Variants in LTV1 observed in about 807,000 individuals in gnomAD.
LTV1 encodes the protein LTV1 ribosome biogenesis factor.
In LTV1, 39 loss-of-function variants were observed where a neutral mutation model predicts 59.9. That is an observed-to-expected ratio of 0.65 (90% confidence interval 0.50 to 0.85). The LOEUF (loss-of-function observed/expected upper bound fraction) is 0.85. LTV1 is among the 40% of genes least tolerant of loss of function. The pLI is 0.00. For missense variants in LTV1, 493 were observed against 549.1 expected (o/e 0.90, Z 1.02); for synonymous variants, 171 against 189.5 (o/e 0.90, Z 0.80).
Position 143,862,770 on chromosome 6 carries a change from T to C in LTV1, c.1064-74T>C, listed in dbSNP as rs1001730758. ...CTATGAAAACACAAGGTCAGAAATA[T>C]AGTAGGAATTCAGTAATGCTTTGTG... On this transcript the variant is annotated intron_variant, in intron 8 of 10. Coordinates refer to ENST00000367576, the MANE Select transcript of LTV1 (RefSeq NM_032860.5). This position sits in a 1 kb window ranked among gnomAD's most constrained non-coding sequence, Gnocchi z 4.2. 1.1e-4 allele frequency: 105 copies of C among 916,228 alleles called. No individual in the cohort carries two copies. Among genetic ancestry groups the C allele is most frequent in the South Asian group, 1.1e-3 (86 of 75,208 alleles). 56.8% of individuals were successfully genotyped at this position (916,228 alleles called of 1,614,324 possible).
At chr6:143,851,906 T>C (rs1776988675) in intron 4 of LTV1, among the ~76,000 whole-genome samples, 1 of 152,228 alleles carries the variant, frequency 6.6e-6, no homozygotes, top group East Asian at 1.9e-4. Flanking sequence ...CATGAACGTG[T>C]CCTTTTTTAT....
At chr6:143,848,115 G>T (rs536280160) in intron 3 of LTV1, among the ~76,000 whole-genome samples, 1 of 152,106 alleles carries the variant, frequency 6.6e-6, no homozygotes, top group Non-Finnish European at 1.5e-5. Flanking sequence ...ACTCTTAATC[G>T]TGTATGTGAT....
At position 143,857,320 on chromosome 6, in the gene LTV1, G is replaced by C. The variant is rs1231984226; in HGVS notation, c.415G>C (p.Asp139His). The stretch of plus-strand genomic sequence containing the variant: ...CCTTCTAGGACCTCGACTGGATTTT[G>C]ATCCTGACATTGTTGCAGCTCTTGA... ...APVSGPRLDF[D>H]PDIVAALDDD... Residue 139 changes from aspartate (D) to histidine (H), a missense_variant, in exon 5 of 11, where the codon GAT becomes CAT. Asp to His is a moderately conservative substitution (Grantham distance 81, BLOSUM62 -1). Coordinates refer to ENST00000367576, the MANE Select transcript of LTV1 (RefSeq NM_032860.5). This position sits in a 1 kb window ranked among gnomAD's most constrained non-coding sequence, Gnocchi z 5.2. 1.2e-6 allele frequency: 2 copies of C among 1,613,754 alleles called. No homozygotes were observed.
chr6:143,856,803 G>T, intron 4 of LTV1, among the ~76,000 whole-genome samples: 1 of 152,214 alleles, frequency 6.6e-6, no homozygotes, highest in East Asian at 1.9e-4. Flanking sequence ...CCTTCCTCTG[G>T]AAGCTTTGTC....
At position 143,863,033 on chromosome 6, in the gene LTV1, A is replaced by G. The variant is rs1777196866; in HGVS notation, c.1117-53A>G. 3 of 1,521,490 alleles carry G rather than the reference A, an allele frequency of 2.0e-6. No individual in the cohort carries two copies. Among genetic ancestry groups the G allele is most frequent in the East Asian group, 2.3e-5 (1 of 44,356 alleles). The allele number at this position is 1,521,490 out of a possible 1,614,324, so 94.2% of individuals were successfully genotyped here. ...ATCAACAGTATGTCATTAATGAGCTATTTTTTAATAGGAATGAGAAGTAAC... is the reference window on the plus strand; with the variant it reads ...ATCAACAGTATGTCATTAATGAGCTGTTTTTTAATAGGAATGAGAAGTAAC... On this transcript the variant is annotated intron_variant, in intron 9 of 10. Coordinates refer to ENST00000367576, the MANE Select transcript of LTV1 (RefSeq NM_032860.5). The surrounding 1 kb of genome is among the most constrained non-coding windows in gnomAD (Gnocchi z 4.5).
intron 3 of LTV1, among the ~76,000 whole-genome samples, chr6:143,848,527 A>T (rs1373332955): frequency 6.6e-6 from 1 of 152,164 alleles, no homozygotes; most frequent in Non-Finnish European, 1.5e-5. Flanking sequence ...TTTCTCAGTG[A>T]GCCAATGAGG....
chr6:143,852,565 T>G (rs1043482035), intron 4 of LTV1, among the ~76,000 whole-genome samples: 1 of 152,208 alleles, frequency 6.6e-6, no homozygotes, highest in African/African-American at 2.4e-5. Flanking sequence ...AGAAGCTCTT[T>G]AATTTAATTA....
At chr6:143,847,523 G>A (rs1207721642) in intron 3 of LTV1, among the ~76,000 whole-genome samples, 5 of 152,138 alleles carry the variant, frequency 3.3e-5, no homozygotes, top group East Asian at 1.9e-4. Context: ...CACTGTGCCC[G>A]GCTAATTTTG....
intron 6 of LTV1, 140 bp from the exon 7 acceptor site, chr6:143,860,286 A>G: frequency 1.6e-6 from 1 of 640,206 alleles, no homozygotes; most frequent in Non-Finnish European, 2.6e-6. Flanking sequence ...TTAAATCCCT[A>G]CTGATATTTT....
rs2128490875 is a variant in LTV1 at position 143,846,226 on chromosome 6, T to C, written c.309+2T>C. ...AAAGAAGAAACGCTAGTAATTCCAG[T>C]AAGGCTTTTCAGCAATTTAATTGTG... is the stretch of plus-strand genomic sequence containing the variant. On this transcript the variant is annotated splice_donor_variant, in intron 3 of 10. Coordinates refer to ENST00000367576, the MANE Select transcript of LTV1 (RefSeq NM_032860.5). LOFTEE classifies it high-confidence loss of function. The C allele has an allele frequency of 6.2e-7, 1 of 1,607,332 alleles. No individual in the cohort carries two copies. Among genetic ancestry groups the C allele is most frequent in the South Asian group, 1.1e-5 (1 of 89,574 alleles).
intron 4 of LTV1, among the ~76,000 whole-genome samples, chr6:143,850,425 G>T (rs1422697900): frequency 6.6e-6 from 1 of 152,150 alleles, no homozygotes; most frequent in Admixed American, 6.5e-5. Flanking sequence ...TTGAGTTCCT[G>T]TTTGGAGAGG....
In LTV1 at chr6:143,843,367, A is replaced by C. The variant is rs1162009366; in HGVS notation, c.-111A>C. On this transcript the variant is annotated 5_prime_UTR_variant, in exon 1 of 11. Transcript: ENST00000367576. Reference sequence around the variant, plus strand: ...CGTTATCGCCGGGTCCTGGGGCTGCACGTGTGGTGAGGCCTACAGAAGCGG... The same window carrying C: ...CGTTATCGCCGGGTCCTGGGGCTGCCCGTGTGGTGAGGCCTACAGAAGCGG... 7.6e-7 allele frequency: 1 copy of C among 1,316,744 alleles called. No individual in the cohort carries two copies. Among genetic ancestry groups the C allele is most frequent in the Non-Finnish European group, 1.1e-6 (1 of 917,946 alleles). 81.6% of individuals were successfully genotyped at this position (1,316,744 alleles called of 1,614,324 possible). A position where few individuals can be genotyped will look rare whatever the true frequency, so the allele number is the denominator to read the frequency against.
At position 143,863,640 on chromosome 6, in the gene LTV1, A is replaced by G. The variant is rs1777214503; in HGVS notation, c.*113A>G. On this transcript the variant is annotated 3_prime_UTR_variant, in exon 11 of 11. Coordinates refer to ENST00000367576, the MANE Select transcript of LTV1 (RefSeq NM_032860.5). The surrounding 1 kb of genome is among the most constrained non-coding windows in gnomAD (Gnocchi z 4.5). ...GCCATTTTTACTGGCAGATAAGAGG[A>G]AAATACAATATTTGTATTATTTTTA... The G allele has an allele frequency of 5.1e-6, 3 of 592,254 alleles. No individual in the cohort carries two copies. Among genetic ancestry groups the G allele is most frequent in the East Asian group, 2.8e-5 (1 of 36,234 alleles). 36.7% of individuals were successfully genotyped at this position (592,254 alleles called of 1,614,324 possible).
At chr6:143,848,652 G>A (rs1474864874) in intron 3 of LTV1, among the ~76,000 whole-genome samples, 2 of 152,190 alleles carry the variant, frequency 1.3e-5, no homozygotes, top group Non-Finnish European at 2.9e-5. Context: ...TTTGGTCAAG[G>A]AGAGGAAACA....
chr6:143,851,604 C>G (rs1372839347), intron 4 of LTV1, among the ~76,000 whole-genome samples: 1 of 151,510 alleles, frequency 6.6e-6, no homozygotes, highest in Non-Finnish European at 1.5e-5. Context: ...ACTTTAAGTC[C>G]TGGGATATAT....
chr6:143,851,287 G>T (rs1398675592), intron 4 of LTV1, among the ~76,000 whole-genome samples: 1 of 152,176 alleles, frequency 6.6e-6, no homozygotes, highest in Non-Finnish European at 1.5e-5. Context: ...GTGGAGCAGG[G>T]CTAAGTCCTA....
intron 3 of LTV1, 32 bp from the exon 4 acceptor site, chr6:143,850,098 TA>T: frequency 6.4e-7 from 1 of 1,562,654 alleles, no homozygotes; most frequent in East Asian, 2.2e-5. Flanking sequence ...AATTTCCAAA[TA>T]AACCTAACCA....
chr6:143,845,486 C>T (rs1776876451), intron 2 of LTV1, among the ~76,000 whole-genome samples: 1 of 152,164 alleles, frequency 6.6e-6, no homozygotes, highest in Admixed American at 6.5e-5. Context: ...AGCGATCCTC[C>T]CACCTTAGCC....
At chr6:143,859,154 A>G (rs1022701480) in intron 6 of LTV1, among the ~76,000 whole-genome samples, 4 of 152,242 alleles carry the variant, frequency 2.6e-5, no homozygotes, top group Non-Finnish European at 4.4e-5. Flanking sequence ...GTTTTCAGAC[A>G]TAACTAACAC....
Sources: gnomAD v4.1 joint callset for allele counts (sites outside exome capture counted in the v4.1 genomes callset) on GRCh38, gnomAD v4.1.1 for gene constraint, Gnocchi (gnomAD v3.1) non-coding constraint, MANE v1.5 for transcripts, NCBI Gene and HGNC (gene_info 2026-07-23, HGNC 2026-07-21) for gene names.